IKZF1: variants seen among roughly 807,000 people sequenced by gnomAD.
IKZF1 encodes DNA-binding protein Ikaros.
IKZF1 carries 10 observed loss-of-function variants against 51.7 expected under a neutral mutation model. The observed-to-expected ratio is 0.19, with a 90% CI of 0.12 to 0.33. IKZF1 has a LOEUF of 0.33. IKZF1 is among the 10% of genes least tolerant of loss of function. The pLI, the probability that IKZF1 is intolerant of heterozygous loss-of-function variation, is 1.00. For missense variants in IKZF1, 484 were observed against 707.5 expected, an observed-to-expected ratio of 0.68 and a Z score of 3.58; for synonymous variants, 280 against 282.3, an observed-to-expected ratio of 0.99 and a Z score of 0.08.
intron 3 of IKZF1, among the ~76,000 whole-genome samples, chr7:50,372,380 A>C (rs771167429): frequency 2.0e-5 from 3 of 152,198 alleles, no homozygotes; most frequent in Non-Finnish European, 2.9e-5. Flanking sequence ...CCTGGCAGTC[A>C]TCCAGTCCTT....
chr7:50,394,052 C>A (rs917089948), intron 7 of IKZF1: 21 of 232,066 alleles, frequency 9.0e-5, no homozygotes, highest in Admixed American at 3.9e-4. Flanking sequence ...ACAATGTGGG[C>A]GTTGGCTTGA....
intron 3 of IKZF1, among the ~76,000 whole-genome samples, chr7:50,334,371 T>C (rs988360171): frequency 9.5e-4 from 144 of 152,080 alleles, no homozygotes; most frequent in African/African-American, 3.3e-3. Flanking sequence ...TCTGTATATA[T>C]GTGGGGGGTA....
chr7:50,360,706 C>T lies in IKZF1; in HGVS notation c.161-15827C>T, dbSNP rs376888517. Among the ~76,000 whole-genome samples, 13 of 152,362 alleles carry T rather than the reference C, an allele frequency of 8.5e-5. No individual in the cohort carries two copies. In the East Asian group the frequency reaches 1.5e-3, roughly 18 times the overall value. On this transcript the variant is annotated intron_variant, in intron 3 of 7. Transcript: ENST00000331340. ...TCAAAGGCTCTTGCCTTGTGGCCCA[C>T]GCTGCAGACACTCTGACGACTGCCG...
chr7:50,368,690 A>T lies in IKZF1; in HGVS notation c.161-7843A>T, dbSNP rs147482061. ...TTTTTAGATATTGAGCTGATAAATGATAAATATATTTGGGTAACATCCTCA... is the reference window on the plus strand; with the variant it reads ...TTTTTAGATATTGAGCTGATAAATGTTAAATATATTTGGGTAACATCCTCA... On this transcript the variant is annotated intron_variant, in intron 3 of 7. Coordinates refer to ENST00000331340, the MANE Select transcript of IKZF1 (RefSeq NM_006060.6). The T allele has an allele frequency of 1.1e-3, 312 of 279,646 alleles. 4 individuals carry two copies. The highest frequency in any genetic ancestry group is 6.6e-3 in the African/African-American group (305 of 46,444). The allele number at this position is 279,646 out of a possible 1,614,324, so 17.3% of individuals were successfully genotyped here. A position where few individuals can be genotyped will look rare whatever the true frequency, so the allele number is the denominator to read the frequency against.
intron 4 of IKZF1, among the ~76,000 whole-genome samples, chr7:50,381,658 A>G (rs2153476130): frequency 6.6e-6 from 1 of 152,392 alleles, no homozygotes; most frequent in South Asian, 2.1e-4. Context: ...GAATTCCTTC[A>G]TAACAACTAA....
At chr7:50,334,341 G>A (rs956743113) in intron 3 of IKZF1, among the ~76,000 whole-genome samples, 1 of 152,100 alleles carries the variant, frequency 6.6e-6, no homozygotes, top group Non-Finnish European at 1.5e-5. Flanking sequence ...TGTGGTACAT[G>A]TGTTGTGTGT....
At chr7:50,349,902 C>T (rs78426510) in intron 3 of IKZF1, among the ~76,000 whole-genome samples, 3,141 of 152,318 alleles carry the variant, frequency 0.021, 52 homozygotes, top group Non-Finnish European at 0.026. Context: ...TGCAAAGTTT[C>T]AGTCAAGACT....
intron 3 of IKZF1, chr7:50,367,555 A>G (rs907685954): frequency 1.9e-5 from 3 of 153,886 alleles, no homozygotes; most frequent in African/African-American, 4.8e-5. Flanking sequence ...CTAATTTTCT[A>G]TGAACACTTC....
At chr7:50,329,463 G>A (rs1056723572) in intron 3 of IKZF1, among the ~76,000 whole-genome samples, 1 of 152,122 alleles carries the variant, frequency 6.6e-6, no homozygotes, top group African/African-American at 2.4e-5. Context: ...TCTATGTATT[G>A]CAAGTGATAC....
Position 50,402,555 on chromosome 7 carries a change from C to CA in IKZF1, c.*1930dup, listed in dbSNP as rs200684407. 89 of 230,350 alleles carry CA rather than the reference C, an allele frequency of 3.9e-4. No homozygotes were observed. Among genetic ancestry groups the CA allele is most frequent in the East Asian group, 1.9e-3 (30 of 15,988 alleles). The allele number at this position is 230,350 out of a possible 1,614,324, so 14.3% of individuals were successfully genotyped here. A position where few individuals can be genotyped will look rare whatever the true frequency, so the allele number is the denominator to read the frequency against. On this transcript the variant is annotated 3_prime_UTR_variant, in exon 8 of 8. Coordinates refer to ENST00000331340, the MANE Select transcript of IKZF1 (RefSeq NM_006060.6). ...CCAATCAAATGTCTGGGAAGCCCTC[C>CA]AAGAAAAAAAATAGAAAAGCACTTG...
intron 3 of IKZF1, among the ~76,000 whole-genome samples, chr7:50,335,127 G>C (rs1797350389): frequency 6.6e-6 from 1 of 150,426 alleles, no homozygotes; most frequent in South Asian, 2.1e-4. Flanking sequence ...TTTATGGGAT[G>C]TGTGGTATGT....
chr7:50,370,509 G>T (rs1808346743), intron 3 of IKZF1, among the ~76,000 whole-genome samples: 2 of 152,190 alleles, frequency 1.3e-5, no homozygotes. Context: ...GGGGTGTGGG[G>T]TCTCTCTTAG....
chr7:50,314,487 T>G (rs1584402244), intron 1 of IKZF1, among the ~76,000 whole-genome samples: 1 of 152,252 alleles, frequency 6.6e-6, no homozygotes, highest in Non-Finnish European at 1.5e-5. Flanking sequence ...CCCTCAGTAC[T>G]TTGTACAGTT....
chr7:50,361,496 A>C (rs968459165), intron 3 of IKZF1, among the ~76,000 whole-genome samples: 1 of 152,222 alleles, frequency 6.6e-6, no homozygotes, highest in Non-Finnish European at 1.5e-5. Flanking sequence ...AAGTTGGCTG[A>C]CATGAAACAG....
intron 3 of IKZF1, among the ~76,000 whole-genome samples, chr7:50,372,645 T>C (rs1809051705): frequency 6.6e-6 from 1 of 152,230 alleles, no homozygotes; most frequent in Admixed American, 6.5e-5. Context: ...TCCTTAATTT[T>C]CCTCTTCAAA....
chr7:50,347,953 T>A (rs1247042336), intron 3 of IKZF1, among the ~76,000 whole-genome samples: 3 of 152,020 alleles, frequency 2.0e-5, no homozygotes, highest in African/African-American at 7.3e-5. Context: ...CCCATCCCAT[T>A]TCCCCGACTC....
rs986001965 is a variant in IKZF1 at position 50,335,362 on chromosome 7, G to T, written c.160+7605G>T. Among the ~76,000 whole-genome samples the T allele has an allele frequency of 9.6e-4, 142 of 148,552 alleles. 1 individual carries two copies. Among genetic ancestry groups the T allele is most frequent in the Non-Finnish European group, 1.8e-3 (118 of 66,828 alleles). The stretch of plus-strand genomic sequence containing the variant: ...GAGGTGTGTTGTGTATGTGTGTGTG[G>T]GATGTGTGGTGTGTGGTGTGTATGT... On this transcript the variant is annotated intron_variant, in intron 3 of 7. Transcript: ENST00000331340.
intron 3 of IKZF1, among the ~76,000 whole-genome samples, chr7:50,353,757 C>A (rs1218051793): frequency 6.6e-6 from 1 of 152,212 alleles, no homozygotes; most frequent in African/African-American, 2.4e-5. Flanking sequence ...CACAAACACT[C>A]GCATTTATTA....
rs976658629 is a variant in IKZF1, at chr7:50,404,252, A to T, written c.*3625A>T. The stretch of plus-strand genomic sequence containing the variant: ...TAGGTCTTCAGCTGCCCTTCTGGCG[A>T]GTACATGCACAGGATTGTAAATGAG... On this transcript the variant is annotated 3_prime_UTR_variant, in exon 8 of 8. Coordinates refer to ENST00000331340, the MANE Select transcript of IKZF1 (RefSeq NM_006060.6). 2.3e-5 allele frequency: 5 copies of T among 219,588 alleles called. No individual in the cohort carries two copies. The highest frequency in any genetic ancestry group is 1.1e-4 in the African/African-American group (5 of 44,548). The allele number at this position is 219,588 out of a possible 1,614,324, so 13.6% of individuals were successfully genotyped here. A position where few individuals can be genotyped will look rare whatever the true frequency, so the allele number is the denominator to read the frequency against.
Sources: allele counts gnomAD v4.1 joint callset (sites outside exome capture counted in the v4.1 genomes callset), GRCh38; gene constraint gnomAD v4.1.1; transcripts MANE v1.5; gene names NCBI Gene and HGNC (gene_info 2026-07-23, HGNC 2026-07-21).